Variants in TRANK1 observed in about 807,000 individuals in gnomAD.
TRANK1 encodes the protein tetratricopeptide repeat and ankyrin repeat containing 1, also known as TPR and ankyrin repeat-containing protein 1.
In TRANK1, 198 loss-of-function variants were observed where a neutral mutation model predicts 266.0. The ratio of observed to expected loss-of-function variants is 0.74; its 90% CI spans 0.66 to 0.84. The LOEUF is 0.84. Among genes scored for constraint, TRANK1 ranks in the 40% least tolerant of loss-of-function variants. The pLI is 0.00. For synonymous variants in TRANK1, 1,396 were observed against 1,384.1 expected (o/e 1.01, Z -0.19); for missense variants, 3,326 against 3,634.6 (o/e 0.92, Z 2.18).
At position 36,867,846 on chromosome 3, in the gene TRANK1, A is replaced by G. The variant is rs188944407; in HGVS notation, c.1079-3366T>C. Among the ~76,000 whole-genome samples the G allele has an allele frequency of 8.1e-4, 123 of 152,256 alleles. 1 individual carries two copies. The highest frequency in any genetic ancestry group is 2.7e-3 in the Admixed American group (41 of 15,286). ...CCTTTCAACAGAATTTCATTATAACATCGATGAGAAAACAAATTTGGTCCC... is the reference window on the plus strand; with the variant it reads ...CCTTTCAACAGAATTTCATTATAACGTCGATGAGAAAACAAATTTGGTCCC... On this transcript the variant is annotated intron_variant, in intron 9 of 23. Coordinates refer to ENST00000645898, the MANE Select transcript of TRANK1 (RefSeq NM_001329998.2).
intron 9 of TRANK1, among the ~76,000 whole-genome samples, chr3:36,864,800 C>G (rs2079190953): frequency 6.6e-6 from 1 of 152,114 alleles, no homozygotes; most frequent in Non-Finnish European, 1.5e-5. Context: ...GTCAGGCTAG[C>G]CTACTGAGAG....
chr3:36,852,917 C>T (rs1038026677), intron 13 of TRANK1, among the ~76,000 whole-genome samples: 1 of 151,796 alleles, frequency 6.6e-6, no homozygotes, highest in South Asian at 2.1e-4. Context: ...ATGGTAAAAA[C>T]AGTGCTGCAT....
At position 36,887,888 on chromosome 3, in the gene TRANK1, G is replaced by A. The variant is rs925390731; in HGVS notation, c.907+1941C>T. ...GTTAGGATGTGAAGAAGCTGGAATC[G>A]TCATACACTGCTGGTGGCACTGTAA... On this transcript the variant is annotated intron_variant, in intron 8 of 23. Coordinates refer to ENST00000645898, the MANE Select transcript of TRANK1 (RefSeq NM_001329998.2). 6.6e-5 allele frequency among the ~76,000 whole-genome samples: 10 copies of A among 152,310 alleles called. No homozygotes were observed. The South Asian group carries it at 8.3e-4, about 13-fold the overall frequency.
chr3:36,892,987 G>T lies in TRANK1; in HGVS notation c.553-3C>A. The T allele has an allele frequency of 6.7e-7, 1 of 1,498,814 alleles. No homozygotes were observed. The highest frequency in any genetic ancestry group is 8.8e-7 in the Non-Finnish European group (1 of 1,131,178). The allele number at this position is 1,498,814 out of a possible 1,614,324, so 92.8% of individuals were successfully genotyped here. On this transcript the variant is annotated splice_region_variant and splice_polypyrimidine_tract_variant and intron_variant, in intron 5 of 23. Coordinates refer to ENST00000645898, the MANE Select transcript of TRANK1 (RefSeq NM_001329998.2). ...TTTGCTGACAGAAGCAGAAATGACT[G>T]GTGGGAGAAGACAGAAAAGGCTGGA... is the stretch of plus-strand genomic sequence containing the variant.
In TRANK1 at chr3:36,831,198, G is replaced by A. The variant is rs138486439; in HGVS notation, c.8385C>T (p.Ser2795=). The A allele has an allele frequency of 4.1e-4, 655 of 1,613,882 alleles. 1 individual carries two copies. Among genetic ancestry groups the A allele is most frequent in the African/African-American group, 2.6e-3 (198 of 75,010 alleles). The part of the protein sequence containing the change: ...SPSKAFEGAA[S]EVAVLSRAEL... ...CAGCCCTGGAAAGGACTGCCACCTC[G>A]GAAGCTGCCCCCTCAAACGCTTTGC... Residue 2795 remains serine (S), a synonymous_variant, in exon 22 of 24, where the codon TCC becomes TCT. Transcript: ENST00000645898. The surrounding 1 kb of genome is among the most constrained non-coding windows in gnomAD (Gnocchi z 5.0).
At chr3:36,941,726 C>T (rs761076712) in intron 1 of TRANK1, among the ~76,000 whole-genome samples, 3 of 152,170 alleles carry the variant, frequency 2.0e-5, no homozygotes, top group African/African-American at 4.8e-5. Flanking sequence ...GTAACCAGCC[C>T]GACTATCAGT....
chr3:36,874,020 ATG>A (rs958168129), intron 9 of TRANK1, 104 bp downstream of exon 9: 7 of 995,272 alleles, frequency 7.0e-6, no homozygotes, highest in African/African-American at 4.9e-5. Flanking sequence ...CCATATATAT[ATG>A]TGTGTGTATA....
In TRANK1 at chr3:36,860,965, T is replaced by G. The variant is rs1432233575; in HGVS notation, c.1436A>C (p.His479Pro). ...SDLDICTIIPHLSTWDQRKKQ... is the reference protein window; with the variant it reads ...SDLDICTIIPPLSTWDQRKKQ... The stretch of plus-strand genomic sequence containing the variant: ...CTTCCGCTGGTCCCAGGTGCTGAGA[T>G]GGGGGATGATGGTACAGATGTCGAG... Residue 479 changes from histidine to proline, a missense_variant, in exon 11 of 24, where the codon CAT becomes CCT. Physicochemically the swap from His to Pro is moderately conservative, Grantham distance 77. Transcript: ENST00000645898. 1.2e-5 allele frequency: 19 copies of G among 1,537,510 alleles called. No individual in the cohort carries two copies. In the East Asian group the frequency reaches 4.2e-4, roughly 34 times the overall value.
At chr3:36,861,609 A>G (rs2079143217) in intron 10 of TRANK1, among the ~76,000 whole-genome samples, 2 of 152,126 alleles carry the variant, frequency 1.3e-5, no homozygotes, top group African/African-American at 4.8e-5. Flanking sequence ...ATTTTTTATC[A>G]TGATAAATAA....
At chr3:36,935,636 G>C (rs1477510062) in intron 1 of TRANK1, among the ~76,000 whole-genome samples, 1 of 151,986 alleles carries the variant, frequency 6.6e-6, no homozygotes, top group Non-Finnish European at 1.5e-5. Flanking sequence ...TTTTAGTAGA[G>C]ATGTGGCTTC....
chr3:36,890,166 AGT>A (rs1284520488), intron 7 of TRANK1, among the ~76,000 whole-genome samples: 1 of 152,184 alleles, frequency 6.6e-6, no homozygotes, highest in Non-Finnish European at 1.5e-5. Context: ...GCGTTTGTCA[AGT>A]GAGAGGATGA....
At chr3:36,944,733 GT>G (rs2080548403) in intron 1 of TRANK1, 53 bp downstream of exon 1, 2 of 1,497,090 alleles carry the variant, frequency 1.3e-6, no homozygotes, top group African/African-American at 2.9e-5. Flanking sequence ...GCCAGGAAGG[GT>G]GGCGGGCCCG....
At position 36,944,771 on chromosome 3, in the gene TRANK1, C is replaced by A; in HGVS notation, c.23+16G>T. ...AAGGCCAGAGATGCCCCAGTGCTTC[C>A]CGCGCCGCTACGCACCTAGCTGCCC... On this transcript the variant is annotated intron_variant, in intron 1 of 23. Coordinates refer to ENST00000645898, the MANE Select transcript of TRANK1 (RefSeq NM_001329998.2). 1 of 1,499,168 alleles carries A rather than the reference C, an allele frequency of 6.7e-7. No individual in the cohort carries two copies. The highest frequency in any genetic ancestry group is 8.8e-7 in the Non-Finnish European group (1 of 1,131,260). 92.9% of individuals were successfully genotyped at this position (1,499,168 alleles called of 1,614,324 possible).
intron 18 of TRANK1, among the ~76,000 whole-genome samples, chr3:36,840,492 C>T (rs1017448307): frequency 2.0e-5 from 3 of 152,260 alleles, no homozygotes; most frequent in African/African-American, 7.2e-5. Context: ...CACCCCCTTA[C>T]AGTGTAACTT....
intron 1 of TRANK1, among the ~76,000 whole-genome samples, chr3:36,916,139 G>A (rs561109208): frequency 6.6e-6 from 1 of 152,292 alleles, no homozygotes; most frequent in East Asian, 1.9e-4. Flanking sequence ...TTTGAAATAT[G>A]ACTAGTACAA....
Position 36,887,108 on chromosome 3 carries a change from CAA to C in TRANK1, c.907+2719_907+2720del, listed in dbSNP as rs1292949857. Among the ~76,000 whole-genome samples, 9 of 151,978 alleles carry C rather than the reference CAA, an allele frequency of 5.9e-5. No individual in the cohort carries two copies. In the South Asian group the frequency reaches 1.9e-3, roughly 32 times the overall value. On this transcript the variant is annotated intron_variant, in intron 8 of 23. Transcript: ENST00000645898. Reference sequence around the variant, plus strand: ...ACCTGGAGATGTGTTTTTTGTAAATCAAAGAGTCAGACAGGAACTATTTTTTT... The same window carrying C: ...ACCTGGAGATGTGTTTTTTGTAAATCAGAGTCAGACAGGAACTATTTTTTT...
chr3:36,901,101 G>GCT (rs1272445089), intron 3 of TRANK1, among the ~76,000 whole-genome samples: 7 of 136,988 alleles, frequency 5.1e-5, no homozygotes, highest in African/African-American at 1.3e-4. Flanking sequence ...ATTCAAGGTT[G>GCT]TTTTTTTTTT....
At position 36,857,106 on chromosome 3, in the gene TRANK1, G is replaced by A. The variant is rs762646375; in HGVS notation, c.2616C>T (p.Thr872=). ...AIQQLGNGEW[T]QGLQKRLKHL... ...GCTTCAGTCGCTTCTGCAGGCCCTG[G>A]GTCCACTCGCCATTTCCCAGCTGCT... Residue 872 remains threonine, a synonymous_variant, in exon 13 of 24, where the codon ACC becomes ACT. Coordinates refer to ENST00000645898, the MANE Select transcript of TRANK1 (RefSeq NM_001329998.2). The surrounding 1 kb of genome is among the most constrained non-coding windows in gnomAD (Gnocchi z 4.3). The A allele has an allele frequency of 1.2e-6, 2 of 1,613,864 alleles. No homozygotes were observed. The highest frequency in any genetic ancestry group is 2.2e-5 in the South Asian group (2 of 91,072).
intron 15 of TRANK1, chr3:36,851,326 C>A (rs1371123676): frequency 1.0e-6 from 1 of 998,728 alleles, no homozygotes; most frequent in Non-Finnish European, 1.2e-6. Context: ...TATGAACTGA[C>A]CTTACCCAGT....
Sources: gnomAD v4.1 joint callset for allele counts (sites outside exome capture counted in the v4.1 genomes callset) on GRCh38, gnomAD v4.1.1 for gene constraint, Gnocchi (gnomAD v3.1) non-coding constraint, MANE v1.5 for transcripts, NCBI Gene and HGNC (gene_info 2026-07-23, HGNC 2026-07-21) for gene names.